Variants in LIN7B observed in about 807,000 individuals in gnomAD.
The protein encoded by LIN7B is protein lin-7 homolog B.
Under a neutral mutation model 27.9 loss-of-function variants are expected in LIN7B, and 16 were observed. The observed-to-expected ratio is 0.57, with a 90% CI of 0.39 to 0.87. The LOEUF (loss-of-function observed/expected upper bound fraction) is 0.87. Among genes scored for constraint, LIN7B ranks in the 40% least tolerant of loss-of-function variants. LIN7B has a pLI of 0.00. For synonymous variants in LIN7B, 147 were observed against 120.8 expected (o/e 1.22, Z -1.42); for missense variants, 291 against 288.5 (o/e 1.01, Z -0.06).
chr19:49,115,270 A>T lies in LIN7B; in HGVS notation c.167A>T (p.Gln56Leu). ...TGCCTCCTCACCCAGGTGTATGAGC[A>T]GCTTTATGACACGCTGGACATCACC... ...FCSAIREVYE[Q>L]LYDTLDITGS... The change falls in exon 3 of 6, where the codon CAG becomes CTG. Residue 56 changes from glutamine to leucine, a missense_variant. Coordinates refer to ENST00000221459, the MANE Select transcript of LIN7B (RefSeq NM_022165.3). 1 of 1,558,038 alleles carries T rather than the reference A, an allele frequency of 6.4e-7. No homozygotes were observed. The highest frequency in any genetic ancestry group is 8.7e-7 in the Non-Finnish European group (1 of 1,150,240).
chr19:49,114,990 G>C, intron 2 of LIN7B, 23 bp downstream of exon 2: 1 of 1,366,404 alleles, frequency 7.3e-7, no homozygotes, highest in Non-Finnish European at 9.6e-7. Flanking sequence ...CGGCGCAGGG[G>C]CGCGAGCTGG....
At chr19:49,114,669 G>A in intron 1 of LIN7B, 180 bp from the exon 2 acceptor site, 4 of 444,962 alleles carry the variant, frequency 9.0e-6, no homozygotes, top group African/African-American at 2.0e-5. Flanking sequence ...GGGTCCCGGG[G>A]CCGCAGGGCC....
chr19:49,114,501 G>A (rs1412758851), intron 1 of LIN7B, 60 bp downstream of exon 1: 2 of 1,159,588 alleles, frequency 1.7e-6, no homozygotes, highest in African/African-American at 1.6e-5. Context: ...CCAGCCCCCG[G>A]TCCCCGCCCT....
chr19:49,115,844 AAG>A (rs57201649), intron 3 of LIN7B: 39,592 of 148,766 alleles, frequency 0.27, 5,618 homozygotes, highest in African/African-American at 0.31. Flanking sequence ...AAAAAAAAAA[AAG>A]AAAGAAAAAG....
intron 3 of LIN7B, 144 bp from the exon 4 acceptor site, chr19:49,116,119 G>A (rs1229307505): frequency 1.6e-5 from 10 of 634,020 alleles, no homozygotes; most frequent in Non-Finnish European, 2.5e-5. Flanking sequence ...ATTACAGGGG[G>A]ATCGTGCATT....
In LIN7B at chr19:49,114,435, G is replaced by C. The variant is rs1386198482; in HGVS notation, c.31G>C (p.Glu11Gln). The C allele has an allele frequency of 8.3e-7, 1 of 1,207,900 alleles. No individual in the cohort carries two copies. Among genetic ancestry groups the C allele is most frequent in the Non-Finnish European group, 1.0e-6 (1 of 972,678 alleles). 74.8% of individuals were successfully genotyped at this position (1,207,900 alleles called of 1,614,324 possible). Reference sequence around the variant, plus strand: ...TGCGCTGGTGGAGCCGCTGGGGCTGGAGCGGGGTAAGCGTGCGCCAGGGGG... The same window carrying C: ...TGCGCTGGTGGAGCCGCTGGGGCTGCAGCGGGGTAAGCGTGCGCCAGGGGG... MAALVEPLGL[E>Q]RDVSRAVELL... The change falls in exon 1 of 6, where the codon GAG (glutamate) becomes CAG (glutamine). Residue 11 changes from glutamate (E) to glutamine (Q), a missense_variant. Glu to Gln is a conservative substitution (Grantham distance 29). Coordinates refer to ENST00000221459, the MANE Select transcript of LIN7B (RefSeq NM_022165.3).
rs1004062034 is a variant in LIN7B, at chr19:49,118,174, GT to G, written c.602+159del. 5 of 1,382,498 alleles carry G rather than the reference GT, an allele frequency of 3.6e-6. No homozygotes were observed. The African/African-American group carries it at 5.8e-5, about 16-fold the overall frequency. 85.6% of individuals were successfully genotyped at this position (1,382,498 alleles called of 1,614,324 possible). A position where few individuals can be genotyped will look rare whatever the true frequency, so the allele number is the denominator to read the frequency against. On this transcript the variant is annotated intron_variant, in intron 5 of 5. Transcript: ENST00000221459. ...TGGCCCAGGCTCTCACCCCAGGCTA[GT>G]TTGGCCAAATCCCCTGGGGAGCCCT...
Position 49,116,310 on chromosome 19 carries a change from G to A in LIN7B, c.276G>A (p.Arg92=). The change falls in exon 4 of 6, where the codon AGG becomes AGA. Residue 92 remains arginine (R), a synonymous_variant. Transcript: ENST00000221459. ...CCAGCGAGGGCCACGCACATCCCAG[G>A]GTAGTGGAGCTACCCAAGACGGATG... ...FTASEGHAHP[R]VVELPKTDEG... is the part of the protein sequence containing the mutation. The A allele has an allele frequency of 1.2e-6, 2 of 1,614,152 alleles. No homozygotes were observed. Among genetic ancestry groups the A allele is most frequent in the Non-Finnish European group, 1.7e-6 (2 of 1,180,024 alleles).
At chr19:49,116,551 A>G (rs1045341863) in intron 4 of LIN7B, 79 bp downstream of exon 4, 23 of 1,282,468 alleles carry the variant, frequency 1.8e-5, no homozygotes, top group East Asian at 1.2e-4. Context: ...CATTCACTCA[A>G]CACACACTGA....
intron 3 of LIN7B, 185 bp downstream of exon 3, chr19:49,115,516 T>C: frequency 1.7e-6 from 1 of 600,882 alleles, no homozygotes; most frequent in Non-Finnish European, 3.0e-6. Flanking sequence ...CTTTAGCAAC[T>C]GCAAATGGAA....
chr19:49,115,159 G>T (rs1268352810), intron 2 of LIN7B, 101 bp from the exon 3 acceptor site: 1 of 1,088,124 alleles, frequency 9.2e-7, no homozygotes, highest in African/African-American at 1.6e-5. Context: ...GGGGCGGGGC[G>T]GATCCTTGCG....
At chr19:49,117,266 A>C (rs1157417290) in intron 4 of LIN7B, among the ~76,000 whole-genome samples, 3 of 149,854 alleles carry the variant, frequency 2.0e-5, no homozygotes, top group Non-Finnish European at 4.4e-5. Context: ...AAAAAAAACA[A>C]AACTCACTGT....
chr19:49,116,427 T>C lies in LIN7B; in HGVS notation c.393T>C (p.His131=), dbSNP rs764764032. ...TCCCAGGGGGTGTGGCTGACCGCCA[T>C]GGAGGCCTCAAGCGTGGGGATCAAC... ...RVIPGGVADR[H]GGLKRGDQLL... is the part of the protein sequence containing the mutation. Residue 131 remains histidine, a synonymous_variant, in exon 4 of 6, where the codon CAT becomes CAC. Coordinates refer to ENST00000221459, the MANE Select transcript of LIN7B (RefSeq NM_022165.3). The C allele has an allele frequency of 1.6e-5, 26 of 1,614,096 alleles. No homozygotes were observed. The highest frequency in any genetic ancestry group is 1.3e-5 in the African/African-American group (1 of 74,942).
chr19:49,115,410 T>A, intron 3 of LIN7B, 79 bp downstream of exon 3: 1 of 1,262,720 alleles, frequency 7.9e-7, no homozygotes, highest in Non-Finnish European at 1.1e-6. Context: ...GCCAGTCATT[T>A]CTGTTTCCTC....
chr19:49,116,113 C>T (rs117102634), intron 3 of LIN7B, 150 bp from the exon 4 acceptor site: 1 of 625,566 alleles, frequency 1.6e-6, no homozygotes, highest in East Asian at 2.8e-5. Flanking sequence ...ACAGTCATTA[C>T]AGGGGGATCG....
Position 49,114,431 on chromosome 19 carries a change from G to C in LIN7B, c.27G>C (p.Gly9=). 8.3e-7 allele frequency: 1 copy of C among 1,207,526 alleles called. No homozygotes were observed. The highest frequency in any genetic ancestry group is 1.6e-5 in the African/African-American group (1 of 63,488). 74.8% of individuals were successfully genotyped at this position (1,207,526 alleles called of 1,614,324 possible). ...TGGCTGCGCTGGTGGAGCCGCTGGGGCTGGAGCGGGGTAAGCGTGCGCCAG... is the reference window on the plus strand; with the variant it reads ...TGGCTGCGCTGGTGGAGCCGCTGGGCCTGGAGCGGGGTAAGCGTGCGCCAG... MAALVEPL[G]LERDVSRAVE... is the part of the protein sequence containing the mutation. The change falls in exon 1 of 6, where the codon GGG becomes GGC. Residue 9 remains glycine, a synonymous_variant. Coordinates refer to ENST00000221459, the MANE Select transcript of LIN7B (RefSeq NM_022165.3).
chr19:49,117,596 G>A lies in LIN7B; in HGVS notation c.439-259G>A, dbSNP rs975397330. ...CAAGGCGGGCGGACATTAGTGGGCT[G>A]TGGGCAGGGAGGCCACAAAGATGGG... On this transcript the variant is annotated intron_variant, in intron 4 of 5. Transcript: ENST00000221459. 1.3e-5 allele frequency among the ~76,000 whole-genome samples: 2 copies of A among 152,264 alleles called. 1 individual carries two copies. The highest frequency in any genetic ancestry group is 6.8e-3 in the Middle Eastern group (2 of 294).
chr19:49,118,302 T>C (rs778604411), intron 5 of LIN7B, 50 bp from the exon 6 acceptor site: 1 of 1,607,864 alleles, frequency 6.2e-7, no homozygotes, highest in Non-Finnish European at 8.5e-7. Flanking sequence ...GCCCCTCTTG[T>C]CTACCCGGAG....
At chr19:49,114,620 G>C in intron 1 of LIN7B, 179 bp downstream of exon 1, 7 of 496,404 alleles carry the variant, frequency 1.4e-5, no homozygotes, top group Middle Eastern at 5.7e-4. Flanking sequence ...GGCGCGGGCC[G>C]GGACGCTGGG....
Sources: allele counts gnomAD v4.1 joint callset (sites outside exome capture counted in the v4.1 genomes callset), GRCh38; gene constraint gnomAD v4.1.1; transcripts MANE v1.5; gene names NCBI Gene and HGNC (gene_info 2026-07-23, HGNC 2026-07-21).